SHTN1: variants seen among roughly 807,000 people sequenced by gnomAD.
SHTN1 encodes shootin-1.
SHTN1 carries 42 observed loss-of-function variants against 83.1 expected under a neutral mutation model. That is an observed-to-expected ratio of 0.51 (90% CI 0.39 to 0.65). SHTN1 has a LOEUF of 0.65. Ranked by LOEUF, SHTN1 falls within the 30% of genes least tolerant of loss-of-function variation. The probability of loss-of-function intolerance (pLI) is 0.00; values close to 1 mark genes in which losing one functional copy is unlikely to be tolerated. For missense variants in SHTN1, 622 were observed against 737.8 expected (o/e 0.84, Z 1.82); for synonymous variants, 224 against 247.7 (o/e 0.90, Z 0.90).
At chr10:117,030,383 C>T (rs1028808120) in intron 2 of SHTN1, among the ~76,000 whole-genome samples, 9 of 152,032 alleles carry the variant, frequency 5.9e-5, no homozygotes, top group East Asian at 1.9e-4. Context: ...CCAAGAAGGA[C>T]AGGTATAAAC....
chr10:117,029,586 C>T (rs1852377923), intron 2 of SHTN1, among the ~76,000 whole-genome samples: 1 of 152,132 alleles, frequency 6.6e-6, no homozygotes, highest in African/African-American at 2.4e-5. Context: ...GGCAGTTTCT[C>T]ATGAAAGGTT....
At chr10:117,099,232 T>G (rs1223670858) in intron 1 of SHTN1, among the ~76,000 whole-genome samples, 1 of 151,574 alleles carries the variant, frequency 6.6e-6, no homozygotes, top group Non-Finnish European at 1.5e-5. Context: ...AGACTCAGGG[T>G]GGGGAGGTAA....
chr10:117,065,766 A>G lies in SHTN1; in HGVS notation c.-188-17256T>C, dbSNP rs1233976227. On this transcript the variant is annotated intron_variant, in intron 1 of 17. Transcript: ENST00000392901. ...AAAGAAAGAAAGAAAGAAAGAAAGA[A>G]AGAAAGAAAGAAAGAAAGGAAGGAA... Among the ~76,000 whole-genome samples the G allele has an allele frequency of 7.8e-5, 5 of 64,206 alleles. No homozygotes were observed. The South Asian group carries it at 2.6e-3, about 34-fold the overall frequency. The allele number at this position is 64,206 out of a possible 152,430, so 42.1% of individuals were successfully genotyped here. A position where few individuals can be genotyped will look rare whatever the true frequency, so the allele number is the denominator to read the frequency against.
intron 1 of SHTN1, among the ~76,000 whole-genome samples, chr10:117,119,192 G>A (rs1034993094): frequency 6.6e-6 from 1 of 151,998 alleles, no homozygotes; most frequent in Non-Finnish European, 1.5e-5. Flanking sequence ...GGGGAGGGAA[G>A]GATAAAGAGA....
intron 2 of SHTN1, among the ~76,000 whole-genome samples, chr10:116,975,005 C>A (rs185361103): frequency 3.5e-4 from 53 of 152,096 alleles, no homozygotes; most frequent in African/African-American, 1.2e-3. Context: ...TTTCTATACC[C>A]CAAAAATATA....
At chr10:116,913,084 G>C (rs1385344472) in intron 13 of SHTN1, among the ~76,000 whole-genome samples, 1 of 152,048 alleles carries the variant, frequency 6.6e-6, no homozygotes, top group Non-Finnish European at 1.5e-5. Flanking sequence ...CTACCACCAA[G>C]GAATTTTGAA....
chr10:116,924,485 ACT>A (rs1848669169), intron 11 of SHTN1, among the ~76,000 whole-genome samples: 2 of 152,144 alleles, frequency 1.3e-5, no homozygotes, highest in Non-Finnish European at 2.9e-5. Context: ...AGCTTAAAGG[ACT>A]CTGAGTTGAA....
chr10:117,034,268 C>T (rs539680806), intron 2 of SHTN1, among the ~76,000 whole-genome samples: 2 of 152,146 alleles, frequency 1.3e-5, no homozygotes, highest in Non-Finnish European at 2.9e-5. Context: ...ATGCTGTAAT[C>T]TTATATTTGG....
intron 1 of SHTN1, among the ~76,000 whole-genome samples, chr10:117,086,041 C>T (rs996580005): frequency 1.3e-5 from 2 of 151,948 alleles, no homozygotes; most frequent in African/African-American, 4.8e-5. Flanking sequence ...CTGCCTCAGC[C>T]TCCTGAGTAG....
intron 4 of SHTN1, among the ~76,000 whole-genome samples, chr10:116,955,511 G>A (rs1317962285): frequency 6.6e-6 from 1 of 152,168 alleles, no homozygotes; most frequent in Non-Finnish European, 1.5e-5. Flanking sequence ...TCATTGGAAA[G>A]ATAACTACCT....
chr10:116,970,491 G>A lies in SHTN1; in HGVS notation c.112-1779C>T, dbSNP rs375107141. On this transcript the variant is annotated intron_variant, in intron 2 of 16. Coordinates refer to ENST00000355371, the MANE Select transcript of SHTN1 (RefSeq NM_001127211.3). ...AGCACTTTGGGAAGCCAAGGCAGGC[G>A]GATCATGAGGTCAAGAGATCGAGAC... Among the ~76,000 whole-genome samples, 142 of 152,158 alleles carry A rather than the reference G, an allele frequency of 9.3e-4. 1 individual carries two copies. The highest frequency in any genetic ancestry group is 3.2e-3 in the African/African-American group (133 of 41,542).
At chr10:117,095,755 A>G (rs1201243401) in intron 1 of SHTN1, among the ~76,000 whole-genome samples, 1 of 152,134 alleles carries the variant, frequency 6.6e-6, no homozygotes, top group Non-Finnish European at 1.5e-5. Flanking sequence ...GACCTACTGT[A>G]TATTAATTAA....
At chr10:117,009,423 T>C (rs1301430541), upstream of SHTN1, among the ~76,000 whole-genome samples, 1 of 152,106 alleles carries the variant, frequency 6.6e-6, no homozygotes, top group Admixed American at 6.6e-5. Context: ...AAAATATTTA[T>C]TTTAGATCCA....
intron 1 of SHTN1, among the ~76,000 whole-genome samples, chr10:117,064,441 G>C (rs1481267595): frequency 6.6e-6 from 1 of 152,140 alleles, no homozygotes; most frequent in Non-Finnish European, 1.5e-5. Flanking sequence ...GGATCACGAG[G>C]TCAGGAGTTT....
rs142867531 is a variant in SHTN1, at chr10:116,908,602, T to C, written c.1360-1855A>G. On this transcript the variant is annotated intron_variant, in intron 14 of 16. Transcript: ENST00000355371. ...TCACTACTAAAATAAGTTGTAAAAC[T>C]ACTACATTGTTTCAATAGCAAGGAC... Among the ~76,000 whole-genome samples the C allele has an allele frequency of 8.3e-4, 127 of 152,332 alleles. 1 individual carries two copies. The highest frequency in any genetic ancestry group is 3.0e-3 in the African/African-American group (126 of 41,592).
chr10:117,004,234 G>A (rs916411148), intron 1 of SHTN1, among the ~76,000 whole-genome samples: 6 of 152,052 alleles, frequency 3.9e-5, no homozygotes, highest in Non-Finnish European at 7.4e-5. Flanking sequence ...CTTTGGTCAG[G>A]GTAATAATGA....
chr10:116,972,567 T>C (rs775284921), intron 2 of SHTN1, among the ~76,000 whole-genome samples: 6 of 152,208 alleles, frequency 3.9e-5, no homozygotes, highest in Non-Finnish European at 7.3e-5. Context: ...CGGGCCTTTT[T>C]GGAAGAATGT....
intron 2 of SHTN1, among the ~76,000 whole-genome samples, chr10:117,042,912 G>A (rs750814596): frequency 2.0e-5 from 3 of 151,950 alleles, no homozygotes; most frequent in Admixed American, 1.3e-4. Context: ...CATTGCTCCC[G>A]GCCCTTTTTC....
chr10:117,035,681 G>A (rs1165367051), intron 2 of SHTN1, among the ~76,000 whole-genome samples: 1 of 152,018 alleles, frequency 6.6e-6, no homozygotes, highest in African/African-American at 2.4e-5. Flanking sequence ...GCCAGACATG[G>A]TGGCTCACGT....
Sources: allele counts gnomAD v4.1 joint callset (sites outside exome capture counted in the v4.1 genomes callset), GRCh38; gene constraint gnomAD v4.1.1; transcripts MANE v1.5; gene names NCBI Gene and HGNC (gene_info 2026-07-23, HGNC 2026-07-21).